Variants in ASTN2 observed in about 807,000 individuals in gnomAD.
ASTN2 encodes the protein astrotactin-2.
ASTN2 carries 54 observed loss-of-function variants against 139.8 expected under a neutral mutation model. The ratio of observed to expected loss-of-function variants is 0.39; its 90% CI spans 0.31 to 0.48. The LOEUF (loss-of-function observed/expected upper bound fraction) is 0.48, where lower values mean the gene tolerates loss of function less well. Among genes scored for constraint, ASTN2 ranks in the 20% least tolerant of loss-of-function variants. The pLI is 0.95. For synonymous variants in ASTN2, 756 were observed against 719.5 expected (o/e 1.05, Z -0.81); for missense variants, 1,565 against 1,725.1 (o/e 0.91, Z 1.64).
intron 16 of ASTN2, among the ~76,000 whole-genome samples, chr9:116,696,693 A>G (rs1216441969): frequency 6.6e-6 from 1 of 151,862 alleles, no homozygotes; most frequent in Admixed American, 6.6e-5. Context: ...ATTTACCTAC[A>G]TGTCTTGTCT....
chr9:116,470,215 T>TAAACAATAA (rs1400584980), intron 20 of ASTN2, among the ~76,000 whole-genome samples: 1 of 151,528 alleles, frequency 6.6e-6, no homozygotes, highest in Non-Finnish European at 1.5e-5. Context: ...AAAATAAAAA[T>TAAACAATAA]AAAAAATAAA....
intron 4 of ASTN2, among the ~76,000 whole-genome samples, chr9:117,127,537 A>G (rs1443477113): frequency 6.6e-6 from 1 of 152,188 alleles, no homozygotes; most frequent in African/African-American, 2.4e-5. Flanking sequence ...AGAAAAGCTA[A>G]TGCACTGAGA....
chr9:117,034,615 AC>A (rs1203055361), intron 6 of ASTN2, among the ~76,000 whole-genome samples: 6 of 152,178 alleles, frequency 3.9e-5, no homozygotes, highest in Non-Finnish European at 5.9e-5. Context: ...TTGATAAGTG[AC>A]CACCTAGAGA....
rs145861160 is a variant in ASTN2 at position 116,464,137 on chromosome 9, A to T, written c.3498-21584T>A. ...AGTAAACAAATTAATGGTTGAATGTATATTTGTCAGTGTGTGGACATTATG... is the reference window on the plus strand; with the variant it reads ...AGTAAACAAATTAATGGTTGAATGTTTATTTGTCAGTGTGTGGACATTATG... On this transcript the variant is annotated intron_variant, in intron 20 of 22. Transcript: ENST00000313400. Among the ~76,000 whole-genome samples, 215 of 152,148 alleles carry T rather than the reference A, an allele frequency of 1.4e-3. 1 individual carries two copies. The highest frequency in any genetic ancestry group is 4.8e-3 in the African/African-American group (201 of 41,498).
rs531381002 is a variant in ASTN2 at position 116,506,913 on chromosome 9, C to T, written c.3356-19413G>A. 4.3e-4 allele frequency among the ~76,000 whole-genome samples: 66 copies of T among 152,196 alleles called. 2 individuals are homozygous for T. In the South Asian group the frequency reaches 8.3e-3, roughly 19 times the overall value. On this transcript the variant is annotated intron_variant, in intron 19 of 22. Coordinates refer to ENST00000313400, the MANE Select transcript of ASTN2 (RefSeq NM_001365068.1). Reference sequence around the variant, plus strand: ...GCTTTTTTACTTTGTGACTCACCTGCCCTCTCTGGACCTCAGTTCACTCAT... The same window carrying T: ...GCTTTTTTACTTTGTGACTCACCTGTCCTCTCTGGACCTCAGTTCACTCAT...
intron 13 of ASTN2, among the ~76,000 whole-genome samples, chr9:116,804,815 G>A (rs1830987677): frequency 6.6e-6 from 1 of 151,908 alleles, no homozygotes; most frequent in South Asian, 2.1e-4. Context: ...ATGCAAACAT[G>A]GTTAAAAGTA....
intron 3 of ASTN2, among the ~76,000 whole-genome samples, chr9:117,203,302 G>GT (rs751956092): frequency 1.5e-4 from 23 of 151,846 alleles, no homozygotes; most frequent in Non-Finnish European, 2.2e-4. Context: ...GCTCATCATG[G>GT]TTTTTTATTA....
chr9:117,105,409 C>T (rs755538453), intron 4 of ASTN2, among the ~76,000 whole-genome samples: 9 of 152,058 alleles, frequency 5.9e-5, no homozygotes, highest in Non-Finnish European at 1.2e-4. Context: ...TTAAGACATC[C>T]CACCCCATCC....
intron 10 of ASTN2, among the ~76,000 whole-genome samples, chr9:116,939,262 G>C (rs2183475): frequency 0.15 from 23,037 of 152,060 alleles, 1,826 homozygotes; most frequent in South Asian, 0.19. Flanking sequence ...AGTAGTAGTA[G>C]TAGCTATAGT....
At chr9:117,362,432 A>G (rs1299423532) in intron 1 of ASTN2, among the ~76,000 whole-genome samples, 1 of 152,154 alleles carries the variant, frequency 6.6e-6, no homozygotes, top group East Asian at 1.9e-4. Flanking sequence ...GGGTTCTGCT[A>G]AAGAGAGGCC....
chr9:117,115,472 G>A (rs147270284), intron 4 of ASTN2, among the ~76,000 whole-genome samples: 4 of 152,166 alleles, frequency 2.6e-5, no homozygotes, highest in African/African-American at 4.8e-5. Context: ...GCAGTAAGCC[G>A]AGATCATGCC....
rs114374728 is a variant in ASTN2 at position 116,712,846 on chromosome 9, G to A, written c.2806+12925C>T. 7.4e-3 allele frequency among the ~76,000 whole-genome samples: 1,127 copies of A among 152,270 alleles called. 17 individuals carry two copies. The highest frequency in any genetic ancestry group is 0.025 in the African/African-American group (1,046 of 41,546). On this transcript the variant is annotated intron_variant, in intron 16 of 22. Coordinates refer to ENST00000313400, the MANE Select transcript of ASTN2 (RefSeq NM_001365068.1). ...ATATCTCAATAAAGCTGTTACGAAC[G>A]TAAAAATGTGACCTTGAGCAAGTGA...
intron 1 of ASTN2, among the ~76,000 whole-genome samples, chr9:117,363,866 TC>T (rs1372793407): frequency 6.6e-6 from 1 of 152,154 alleles, no homozygotes; most frequent in Non-Finnish European, 1.5e-5. Flanking sequence ...CAGACATCTA[TC>T]TTTTCTCTTG....
At chr9:117,059,080 C>T (rs1356811550) in intron 5 of ASTN2, among the ~76,000 whole-genome samples, 1 of 152,054 alleles carries the variant, frequency 6.6e-6, no homozygotes, top group Non-Finnish European at 1.5e-5. Flanking sequence ...GGGTATCCTG[C>T]CAGAGTGATG....
chr9:117,028,051 C>G (rs1256790763), intron 6 of ASTN2, among the ~76,000 whole-genome samples: 1 of 152,160 alleles, frequency 6.6e-6, no homozygotes, highest in Non-Finnish European at 1.5e-5. Flanking sequence ...TTCTTTCCCC[C>G]ACCTCACCCA....
chr9:116,426,308 T>A (rs1414431197), intron 22 of ASTN2, among the ~76,000 whole-genome samples: 2 of 152,146 alleles, frequency 1.3e-5, no homozygotes, highest in East Asian at 3.9e-4. Context: ...GGTAGAGCCT[T>A]TAACCTAGTA....
At chr9:117,382,881 T>C (rs1204392613) in intron 1 of ASTN2, among the ~76,000 whole-genome samples, 1 of 152,054 alleles carries the variant, frequency 6.6e-6, no homozygotes, top group Non-Finnish European at 1.5e-5. Context: ...ATATACACAA[T>C]AGATGACTCT....
chr9:116,905,641 T>C (rs1834134848), intron 10 of ASTN2, among the ~76,000 whole-genome samples: 1 of 152,136 alleles, frequency 6.6e-6, no homozygotes, highest in Non-Finnish European at 1.5e-5. Context: ...GACTAAATAA[T>C]GGAAAGCTAT....
intron 1 of ASTN2, among the ~76,000 whole-genome samples, chr9:117,413,011 C>T (rs529935089): frequency 6.6e-6 from 1 of 152,146 alleles, no homozygotes; most frequent in Non-Finnish European, 1.5e-5. Context: ...GGGGAGTCCC[C>T]GAGGAACCTG....
Sources: gnomAD v4.1 joint callset for allele counts (sites outside exome capture counted in the v4.1 genomes callset) on GRCh38, gnomAD v4.1.1 for gene constraint, MANE v1.5 for transcripts, NCBI Gene and HGNC (gene_info 2026-07-23, HGNC 2026-07-21) for gene names.